Variants in EXO1 observed in about 807,000 individuals in gnomAD.
EXO1 encodes the protein exonuclease 1.
A neutral mutation model predicts 84.5 loss-of-function variants in EXO1; 69 were observed. The observed-to-expected ratio is 0.82, with a 90% CI of 0.67 to 1.00. The LOEUF is 1.00. Ranked by LOEUF, EXO1 falls within the 50% of genes least tolerant of loss-of-function variation. The pLI is 0.00. For missense variants in EXO1, 1,045 were observed against 1,000.7 expected (o/e 1.04, Z -0.60); for synonymous variants, 373 against 366.1 (o/e 1.02, Z -0.21).
At chr1:241,873,406 C>T (rs1007799367) in intron 12 of EXO1, among the ~76,000 whole-genome samples, 17 of 152,234 alleles carry the variant, frequency 1.1e-4, no homozygotes, top group Admixed American at 3.9e-4. Context: ...GTAATCTCTC[C>T]GTACAGAATC....
intron 10 of EXO1, among the ~76,000 whole-genome samples, chr1:241,863,378 TAG>T (rs1407431714): frequency 1.3e-5 from 2 of 148,492 alleles, no homozygotes; most frequent in African/African-American, 5.0e-5. Flanking sequence ...CAAGGATTAG[TAG>T]AGTTTTTCAA....
intron 14 of EXO1, among the ~76,000 whole-genome samples, chr1:241,884,671 G>GTA: frequency 4.9e-5 from 1 of 20,320 alleles, no homozygotes; most frequent in African/African-American, 9.8e-5. Context: ...GTGTGTGTGT[G>GTA]TGTGTGCACG....
chr1:241,880,311 T>C (rs1009097460), intron 13 of EXO1, among the ~76,000 whole-genome samples: 1 of 152,186 alleles, frequency 6.6e-6, no homozygotes, highest in Non-Finnish European at 1.5e-5. Flanking sequence ...CATAAAAACA[T>C]CACTGTCAAT....
chr1:241,880,085 A>G (rs2148515451), intron 13 of EXO1, among the ~76,000 whole-genome samples: 1 of 152,044 alleles, frequency 6.6e-6, no homozygotes. Context: ...AAGTTTTAGT[A>G]CTTCAGAAAT....
At chr1:241,871,550 C>T (rs1662089606) in intron 11 of EXO1, among the ~76,000 whole-genome samples, 1 of 152,176 alleles carries the variant, frequency 6.6e-6, no homozygotes. Flanking sequence ...ATCAGAGCTA[C>T]AGCACAAATT....
intron 11 of EXO1, among the ~76,000 whole-genome samples, chr1:241,868,586 C>T (rs551098612): frequency 1.3e-5 from 2 of 152,194 alleles, no homozygotes; most frequent in South Asian, 2.1e-4. Flanking sequence ...GAGGATCGCT[C>T]GAGCCTCAGA....
intron 11 of EXO1, among the ~76,000 whole-genome samples, chr1:241,868,448 C>G (rs1207214786): frequency 6.6e-6 from 1 of 151,046 alleles, no homozygotes; most frequent in Non-Finnish European, 1.5e-5. Context: ...CTTCTCTGCT[C>G]AAAGGGTCTT....
chr1:241,850,584 T>TA lies in EXO1; in HGVS notation c.160dup (p.Arg54LysfsTer25). ...AACTAGCCAAAGGTGAACCTACTGA[T>TA]AGGTAAGTCTGGACCTTATGTTAAT... On this transcript the variant is annotated frameshift_variant and splice_region_variant, in exon 4 of 16. Coordinates refer to ENST00000366548, the MANE Select transcript of EXO1 (RefSeq NM_130398.4). LOFTEE classifies it high-confidence loss of function. 1 of 1,613,064 alleles carries TA rather than the reference T, an allele frequency of 6.2e-7. No individual in the cohort carries two copies. The highest frequency in any genetic ancestry group is 8.5e-7 in the Non-Finnish European group (1 of 1,179,514).
In EXO1 at chr1:241,879,017, AG is replaced by A; in HGVS notation, c.1785del (p.Thr596ProfsTer10). 1 of 1,614,200 alleles carries A rather than the reference AG, an allele frequency of 6.2e-7. No individual in the cohort carries two copies. Among genetic ancestry groups the A allele is most frequent in the Non-Finnish European group, 8.5e-7 (1 of 1,180,038 alleles). ...CTCTTTTGAGAGCAGCAAATTTACA[AG>A]GACCATTTCACCACCCACTTTGGGA... ...SYSFESSKFT[R>X]TISPPTLGTL... On this transcript the variant is annotated frameshift_variant, in exon 13 of 16. Coordinates refer to ENST00000366548, the MANE Select transcript of EXO1 (RefSeq NM_130398.4). LOFTEE classifies it high-confidence loss of function.
At chr1:241,887,164 T>C (rs1373439901) in intron 15 of EXO1, among the ~76,000 whole-genome samples, 1 of 152,156 alleles carries the variant, frequency 6.6e-6, no homozygotes, top group Admixed American at 6.5e-5. Flanking sequence ...AGTCCACTGG[T>C]GTCCCTTTTT....
chr1:241,864,308 T>C (rs991393834), intron 10 of EXO1, among the ~76,000 whole-genome samples: 9 of 152,246 alleles, frequency 5.9e-5, no homozygotes, highest in Non-Finnish European at 1.3e-4. Context: ...AAACTTTGGC[T>C]GTCTGTATTT....
At chr1:241,886,914 G>A (rs974965023) in intron 15 of EXO1, among the ~76,000 whole-genome samples, 5 of 151,942 alleles carry the variant, frequency 3.3e-5, no homozygotes, top group Non-Finnish European at 5.9e-5. Flanking sequence ...GAGCTCAGCC[G>A]GATTCTTGTA....
At chr1:241,889,157 G>A (rs1021698786) in intron 15 of EXO1, among the ~76,000 whole-genome samples, 1 of 152,118 alleles carries the variant, frequency 6.6e-6, no homozygotes, top group African/African-American at 2.4e-5. Context: ...CCAGACTTGA[G>A]AAGGGCACTA....
At chr1:241,885,228 A>ATAAATAAG in intron 14 of EXO1, 86 bp from the exon 15 acceptor site, 1 of 742,814 alleles carries the variant, frequency 1.3e-6, no homozygotes. Flanking sequence ...AAATAAATAA[A>ATAAATAAG]TAAATAAGTA....
chr1:241,882,086 A>T, intron 14 of EXO1, 69 bp downstream of exon 14: 1 of 754,910 alleles, frequency 1.3e-6, no homozygotes, highest in South Asian at 1.6e-5. Context: ...AAAATGAGAA[A>T]TACAAGCAGA....
chr1:241,867,157 G>A, intron 11 of EXO1, 102 bp downstream of exon 11: 1 of 868,704 alleles, frequency 1.2e-6, no homozygotes. Context: ...TTTTCTCCTA[G>A]AAGTTTTATA....
Position 241,879,080 on chromosome 1 carries a change from G to A in EXO1, c.1846G>A (p.Gly616Arg), listed in dbSNP as rs756903638. 5.6e-6 allele frequency: 9 copies of A among 1,613,972 alleles called. No individual in the cohort carries two copies. The highest frequency in any genetic ancestry group is 8.5e-7 in the Non-Finnish European group (1 of 1,179,950). ...TTGTTTTAGTTGGTCTGGAGGTCTTGGAGATTTTTCAAGAACGCCGAGCCC... is the reference window on the plus strand; with the variant it reads ...TTGTTTTAGTTGGTCTGGAGGTCTTAGAGATTTTTCAAGAACGCCGAGCCC... The part of the protein sequence containing the change: ...RSCFSWSGGL[G>R]DFSRTPSPSP... The change falls in exon 13 of 16, where the codon GGA (glycine) becomes AGA (arginine). Residue 616 changes from glycine (G) to arginine (R), a missense_variant. Physicochemically the swap from Gly to Arg is moderately radical, Grantham distance 125 (BLOSUM62 -2). Coordinates refer to ENST00000366548, the MANE Select transcript of EXO1 (RefSeq NM_130398.4).
At chr1:241,868,695 G>A (rs1250917232) in intron 11 of EXO1, among the ~76,000 whole-genome samples, 1 of 152,188 alleles carries the variant, frequency 6.6e-6, no homozygotes, top group Non-Finnish European at 1.5e-5. Context: ...TCTATTGAGA[G>A]TTAGTTAAAT....
At chr1:241,881,527 A>C (rs1240690347) in intron 13 of EXO1, among the ~76,000 whole-genome samples, 2 of 152,232 alleles carry the variant, frequency 1.3e-5, no homozygotes, top group East Asian at 3.8e-4. Flanking sequence ...AACGTGTTAC[A>C]TGATTAAAAG....
Sources: gnomAD v4.1 joint callset for allele counts (sites outside exome capture counted in the v4.1 genomes callset) on GRCh38, gnomAD v4.1.1 for gene constraint, MANE v1.5 for transcripts, NCBI Gene and HGNC (gene_info 2026-07-23, HGNC 2026-07-21) for gene names.